Variants in CDH10 observed in about 807,000 individuals in gnomAD.
The protein encoded by CDH10 is cadherin 10, also known as cadherin-10.
In CDH10, 30 loss-of-function variants were observed where a neutral mutation model predicts 73.1. The ratio of observed to expected loss-of-function variants is 0.41; its 90% CI spans 0.31 to 0.56. The LOEUF (loss-of-function observed/expected upper bound fraction) is 0.56. CDH10 is among the 20% of genes least tolerant of loss of function. The probability of loss-of-function intolerance (pLI) is 0.27; values close to 1 mark genes in which losing one functional copy is unlikely to be tolerated. For synonymous variants in CDH10, 345 were observed against 348.2 expected (o/e 0.99, Z 0.10); for missense variants, 815 against 973.7 (o/e 0.84, Z 2.17).
chr5:24,569,912 T>A (rs1444439926), intron 2 of CDH10, among the ~76,000 whole-genome samples: 4 of 152,066 alleles, frequency 2.6e-5, no homozygotes, highest in Admixed American at 2.6e-4. Flanking sequence ...GACAGGCGCG[T>A]GCCACGACGC....
intron 1 of CDH10, among the ~76,000 whole-genome samples, chr5:24,639,905 C>T (rs1024661233): frequency 6.6e-6 from 1 of 151,728 alleles, no homozygotes; most frequent in African/African-American, 2.4e-5. Flanking sequence ...TTGGAGGAGT[C>T]ATTTCAATAA....
rs70965616 is a variant in CDH10, at chr5:24,563,597, CAAAA to C, written c.232-25927_232-25924del. ...TGAAACCCCGTCTCTACTAAAAATA[CAAAA>C]AAAAAAAAAAAAAAAATTAGCCGGC... On this transcript the variant is annotated intron_variant, in intron 2 of 11. Transcript: ENST00000264463. Among the ~76,000 whole-genome samples, 8 of 88,730 alleles carry C rather than the reference CAAAA, an allele frequency of 9.0e-5. 1 individual carries two copies. The highest frequency in any genetic ancestry group is 2.2e-4 in the African/African-American group (5 of 22,530). 58.2% of individuals were successfully genotyped at this position (88,730 alleles called of 152,430 possible). A position where few individuals can be genotyped will look rare whatever the true frequency, so the allele number is the denominator to read the frequency against.
intron 7 of CDH10, among the ~76,000 whole-genome samples, chr5:24,509,230 C>T (rs75723070): frequency 0.065 from 5,887 of 91,148 alleles, 508 homozygotes; most frequent in African/African-American, 0.2. Context: ...ACATTTTGTT[C>T]TCCTTTTTCC....
chr5:24,510,527 T>A (rs111377534), intron 6 of CDH10, among the ~76,000 whole-genome samples: 57 of 152,314 alleles, frequency 3.7e-4, no homozygotes, highest in African/African-American at 1.3e-3. Context: ...CTCGACCTTT[T>A]ATTTTTGTTT....
chr5:24,562,117 T>C (rs1358960264), intron 2 of CDH10, among the ~76,000 whole-genome samples: 7 of 151,966 alleles, frequency 4.6e-5, no homozygotes, highest in Non-Finnish European at 1.0e-4. Flanking sequence ...CTTTAATATA[T>C]ATATTGTTAA....
intron 11 of CDH10, among the ~76,000 whole-genome samples, chr5:24,488,812 G>C (rs1741942845): frequency 7.5e-6 from 1 of 133,602 alleles, no homozygotes; most frequent in African/African-American, 3.0e-5. Context: ...AAAAAAAATT[G>C]TTAGGTTATA....
At chr5:24,563,725 C>A (rs11744781) in intron 2 of CDH10, among the ~76,000 whole-genome samples, 5 of 147,384 alleles carry the variant, frequency 3.4e-5, no homozygotes, top group African/African-American at 7.5e-5. Flanking sequence ...AGCCGAGATC[C>A]TGCACTGCAC....
intron 7 of CDH10, among the ~76,000 whole-genome samples, chr5:24,507,179 T>C (rs1742727111): frequency 6.6e-6 from 1 of 151,982 alleles, no homozygotes; most frequent in African/African-American, 2.4e-5. Context: ...CATATTGCAT[T>C]AGTAAGGCTA....
intron 2 of CDH10, among the ~76,000 whole-genome samples, chr5:24,573,229 T>C (rs2112029435): frequency 6.6e-6 from 1 of 152,004 alleles, no homozygotes; most frequent in East Asian, 1.9e-4. Context: ...AAGACATGAT[T>C]GTAAACAGTT....
chr5:24,565,439 A>G (rs79159031), intron 2 of CDH10, among the ~76,000 whole-genome samples: 5 of 152,308 alleles, frequency 3.3e-5, no homozygotes, highest in Non-Finnish European at 7.4e-5. Flanking sequence ...GATAAATGTA[A>G]CAGGATAATA....
intron 1 of CDH10, among the ~76,000 whole-genome samples, chr5:24,594,289 C>A (rs980836519): frequency 2.6e-5 from 4 of 151,898 alleles, no homozygotes; most frequent in African/African-American, 9.7e-5. Flanking sequence ...CTTCTAACTA[C>A]CTCTACTGCC....
chr5:24,507,498 T>C (rs556711862), intron 7 of CDH10, among the ~76,000 whole-genome samples: 24 of 151,962 alleles, frequency 1.6e-4, no homozygotes, highest in Non-Finnish European at 3.2e-4. Context: ...CACAGATATA[T>C]TTTGACATAT....
chr5:24,638,404 T>C (rs1239701607), intron 1 of CDH10, among the ~76,000 whole-genome samples: 1 of 151,648 alleles, frequency 6.6e-6, no homozygotes, highest in East Asian at 1.9e-4. Context: ...AGAAATTCTG[T>C]AGAAAACCTC....
intron 2 of CDH10, among the ~76,000 whole-genome samples, chr5:24,547,990 T>C (rs1252914400): frequency 6.6e-6 from 1 of 152,190 alleles, no homozygotes; most frequent in Non-Finnish European, 1.5e-5. Flanking sequence ...AATTGGGTCA[T>C]GCAATTGTCA....
chr5:24,589,454 T>C (rs1746130020), intron 2 of CDH10, among the ~76,000 whole-genome samples: 2 of 152,014 alleles, frequency 1.3e-5, no homozygotes, highest in Non-Finnish European at 1.5e-5. Flanking sequence ...TATACTGACT[T>C]AGAATCAGAT....
intron 5 of CDH10, among the ~76,000 whole-genome samples, chr5:24,526,220 T>C (rs1360861263): frequency 6.6e-6 from 1 of 151,958 alleles, no homozygotes; most frequent in African/African-American, 2.4e-5. Context: ...GGAGTGTGAA[T>C]CCCATTATGT....
chr5:24,492,878 T>C lies in CDH10; in HGVS notation c.1563A>G (p.Gly521=), dbSNP rs557868458. The change falls in exon 10 of 12, where the codon GGA becomes GGG. Residue 521 remains glycine (G), a synonymous_variant. Coordinates refer to ENST00000264463, the MANE Select transcript of CDH10 (RefSeq NM_006727.5). ...CAGCTAAACTGAAAAAAAATTTCTG[T>C]CCACCTAAAGGGTCATCTTTGTCTA... The part of the protein sequence containing the change: ...SAVDKDDPLG[G]QKFFFSLAAV... The C allele has an allele frequency of 1.9e-6, 3 of 1,590,856 alleles. No individual in the cohort carries two copies. Among genetic ancestry groups the C allele is most frequent in the African/African-American group, 2.7e-5 (2 of 74,596 alleles).
At chr5:24,608,865 T>C (rs1746852443) in intron 1 of CDH10, among the ~76,000 whole-genome samples, 1 of 152,186 alleles carries the variant, frequency 6.6e-6, no homozygotes, top group Non-Finnish European at 1.5e-5. Flanking sequence ...TAAGCTGCAA[T>C]TTCAAAGTTA....
intron 2 of CDH10, among the ~76,000 whole-genome samples, chr5:24,549,703 C>A (rs1744476949): frequency 6.6e-6 from 1 of 151,976 alleles, no homozygotes; most frequent in Admixed American, 6.6e-5. Flanking sequence ...AGGCGCCTGC[C>A]ACAATGCCCT....
Sources: allele counts gnomAD v4.1 joint callset (sites outside exome capture counted in the v4.1 genomes callset), GRCh38; gene constraint gnomAD v4.1.1; transcripts MANE v1.5; gene names NCBI Gene and HGNC (gene_info 2026-07-23, HGNC 2026-07-21).